Variants in SMIM45 observed in about 807,000 individuals in gnomAD.
SMIM45 encodes the protein small integral membrane protein 45, also known as long intergenic non-protein coding RNA 634.
chr22:41,957,360 ATTTTTTT>A, the SMIM45 span, among the ~76,000 whole-genome samples: 1 of 139,076 alleles, frequency 7.2e-6, no homozygotes, highest in African/African-American at 2.7e-5. Context: ...CGCCCGGCTA[ATTTTTTT>A]TTTTTTTTGT....
At chr22:41,947,095 C>A in the SMIM45 span, 1 of 1,611,950 alleles carries the variant, frequency 6.2e-7, no homozygotes, top group Non-Finnish European at 8.5e-7. Flanking sequence ...CAGGACCAAC[C>A]GTTGCTCCTG....
At chr22:41,957,670 A>C in the SMIM45 span, 1 of 153,032 alleles carries the variant, frequency 6.5e-6, no homozygotes, top group African/African-American at 2.4e-5. Flanking sequence ...GTGTCTCCGC[A>C]GCCAAGGCCG....
the SMIM45 span, among the ~76,000 whole-genome samples, chr22:41,947,529 G>A: frequency 1.3e-5 from 2 of 151,864 alleles, no homozygotes; most frequent in Non-Finnish European, 1.5e-5. Flanking sequence ...CACCACGCCC[G>A]ACTTATTTTT....
the SMIM45 span, chr22:41,958,322 G>C: frequency 8.8e-6 from 4 of 456,714 alleles, no homozygotes; most frequent in African/African-American, 2.0e-5. Flanking sequence ...CTTTAGGCAG[G>C]TCGAAGCCAA....
chr22:41,957,392 C>T, the SMIM45 span, among the ~76,000 whole-genome samples: 2 of 147,288 alleles, frequency 1.4e-5, no homozygotes, highest in Non-Finnish European at 3.0e-5. Context: ...TTAATGGAGA[C>T]GGGGTTTCAC....
At chr22:41,954,704 G>C in the SMIM45 span, among the ~76,000 whole-genome samples, 1 of 152,170 alleles carries the variant, frequency 6.6e-6, no homozygotes, top group Non-Finnish European at 1.5e-5. Context: ...GCACCTTTGG[G>C]CCATTCTAAA....
chr22:41,953,348 C>G, the SMIM45 span, among the ~76,000 whole-genome samples: 1 of 152,182 alleles, frequency 6.6e-6, no homozygotes, highest in Non-Finnish European at 1.5e-5. Context: ...TTCTTTCCAT[C>G]CATCCCCCTG....
the SMIM45 span, among the ~76,000 whole-genome samples, chr22:41,953,740 GTTTTTTTTTTTTTTT>G: frequency 3.6e-4 from 32 of 89,316 alleles, no homozygotes; most frequent in Admixed American, 5.9e-4. Context: ...TCTGTGATCT[GTTTTTTTTTTTTTTT>G]TTTTTTTTTT....
At chr22:41,951,324 G>A in the SMIM45 span, among the ~76,000 whole-genome samples, 1 of 152,094 alleles carries the variant, frequency 6.6e-6, no homozygotes, top group Non-Finnish European at 1.5e-5. Flanking sequence ...TGCTTGGGAA[G>A]GTGGACCCCA....
the SMIM45 span, chr22:41,952,480 G>A: frequency 1.3e-5 from 2 of 152,334 alleles, no homozygotes; most frequent in African/African-American, 4.8e-5. Context: ...GAGGTAGGGA[G>A]AGGGGCTCTG....
At chr22:41,947,367 CTTTTT>C in the SMIM45 span, among the ~76,000 whole-genome samples, 1 of 132,998 alleles carries the variant, frequency 7.5e-6, no homozygotes. Context: ...ATACACAGTA[CTTTTT>C]TTTTTTTTTT....
the SMIM45 span, among the ~76,000 whole-genome samples, chr22:41,949,872 C>T: frequency 2.0e-5 from 3 of 152,100 alleles, no homozygotes; most frequent in African/African-American, 7.2e-5. Context: ...TGTTTAAGAT[C>T]CATACATGAT....
At chr22:41,947,100 C>T in the SMIM45 span, 1 of 1,610,840 alleles carries the variant, frequency 6.2e-7, no homozygotes, top group Non-Finnish European at 8.5e-7. Context: ...CCAACCGTTG[C>T]TCCTGCGGTG....
the SMIM45 span, among the ~76,000 whole-genome samples, chr22:41,948,762 T>A: frequency 6.6e-6 from 1 of 151,916 alleles, no homozygotes; most frequent in Admixed American, 6.6e-5. Flanking sequence ...TACAAAAAAA[T>A]TTTTAAATTA....
At chr22:41,957,680 G>T in the SMIM45 span, 1 of 153,238 alleles carries the variant, frequency 6.5e-6, no homozygotes, top group Non-Finnish European at 1.5e-5. Context: ...AGCCAAGGCC[G>T]CCGCGATGCC....
the SMIM45 span, chr22:41,958,499 A>AGAGAGAGG: frequency 2.2e-5 from 9 of 408,030 alleles, no homozygotes; most frequent in Non-Finnish European, 4.5e-5. Flanking sequence ...AGAGAGAGAG[A>AGAGAGAGG]GAGAGAGAGT....
At chr22:41,949,871 T>G in the SMIM45 span, among the ~76,000 whole-genome samples, 1 of 152,022 alleles carries the variant, frequency 6.6e-6, no homozygotes, top group African/African-American at 2.4e-5. Flanking sequence ...GTGTTTAAGA[T>G]CCATACATGA....
chr22:41,949,338 C>T, the SMIM45 span, among the ~76,000 whole-genome samples: 1 of 152,056 alleles, frequency 6.6e-6, no homozygotes, highest in Non-Finnish European at 1.5e-5. Context: ...CCTAAGGTGA[C>T]ATTTGAGCAG....
the SMIM45 span, among the ~76,000 whole-genome samples, chr22:41,956,518 C>T: frequency 1.3e-5 from 2 of 152,196 alleles, no homozygotes; most frequent in Admixed American, 6.5e-5. Context: ...GAGACCTACT[C>T]ATCTCAGGGG....
Sources: gnomAD v4.1 joint callset for allele counts (sites outside exome capture counted in the v4.1 genomes callset) on GRCh38, gnomAD v4.1.1 for gene constraint, MANE v1.5 for transcripts, NCBI Gene and HGNC (gene_info 2026-07-23, HGNC 2026-07-21) for gene names.